The following CAMK4 variants were observed in gnomAD, a reference collection of about 807,000 sequenced individuals.
CAMK4 encodes calcium/calmodulin-dependent protein kinase type IV.
Under a neutral mutation model 44.9 loss-of-function variants are expected in CAMK4, and 22 were observed. That is an observed-to-expected ratio of 0.49 (90% CI 0.35 to 0.70). The LOEUF is 0.70. Ranked by LOEUF, CAMK4 falls within the 30% of genes least tolerant of loss-of-function variation. The pLI is 0.01. For synonymous variants in CAMK4, 218 were observed against 215.4 expected (o/e 1.01, Z -0.11); for missense variants, 498 against 586.8 (o/e 0.85, Z 1.56).
intron 2 of CAMK4, among the ~76,000 whole-genome samples, chr5:111,371,137 T>A (rs999176312): frequency 2.0e-5 from 3 of 152,102 alleles, no homozygotes; most frequent in African/African-American, 7.2e-5. Flanking sequence ...TTTGCTGCCA[T>A]TCTATTACCT....
chr5:111,315,732 C>T (rs1748393661), intron 1 of CAMK4, among the ~76,000 whole-genome samples: 1 of 152,078 alleles, frequency 6.6e-6, no homozygotes, highest in Non-Finnish European at 1.5e-5. Flanking sequence ...AAGCGATTTT[C>T]TGTTTGGCAA....
At chr5:111,279,901 A>C (rs1414430376) in intron 1 of CAMK4, among the ~76,000 whole-genome samples, 1 of 152,134 alleles carries the variant, frequency 6.6e-6, no homozygotes, top group Non-Finnish European at 1.5e-5. Flanking sequence ...GGAATGGCTA[A>C]ATTTAGTGGG....
At chr5:111,384,265 A>T (rs1417229106) in intron 4 of CAMK4, among the ~76,000 whole-genome samples, 1 of 152,116 alleles carries the variant, frequency 6.6e-6, no homozygotes, top group African/African-American at 2.4e-5. Context: ...AGCATTATAT[A>T]TTACTGGCTT....
rs1043279062 is a variant in CAMK4, at chr5:111,279,933, G to C, written c.161+55289G>C. On this transcript the variant is annotated intron_variant, in intron 1 of 10. Transcript: ENST00000282356. ...TGGGTGGTAGGATCATTCCTGATGA[G>C]CTTTCATTGGGCGAATTGAGGGACA... 2.0e-5 allele frequency among the ~76,000 whole-genome samples: 3 copies of C among 152,302 alleles called. No homozygotes were observed. The East Asian group carries it at 5.8e-4, about 29-fold the overall frequency.
chr5:111,261,713 C>G (rs1749985321), intron 1 of CAMK4, among the ~76,000 whole-genome samples: 1 of 152,032 alleles, frequency 6.6e-6, no homozygotes, highest in Non-Finnish European at 1.5e-5. Context: ...TCTCTAATGA[C>G]TTATGCATTG....
chr5:111,405,489 A>G (rs923883760), intron 5 of CAMK4, among the ~76,000 whole-genome samples: 1 of 152,162 alleles, frequency 6.6e-6, no homozygotes, highest in African/African-American at 2.4e-5. Context: ...AACAAAAAAA[A>G]AGACGAAGTT....
intron 2 of CAMK4, among the ~76,000 whole-genome samples, chr5:111,358,523 G>A (rs539684315): frequency 4.6e-5 from 7 of 150,888 alleles, no homozygotes; most frequent in Admixed American, 3.3e-4. Context: ...GTTTTTCCCC[G>A]ACACAACCTA....
chr5:111,312,137 G>A (rs1037524370), intron 1 of CAMK4, among the ~76,000 whole-genome samples: 2 of 152,066 alleles, frequency 1.3e-5, no homozygotes, highest in Non-Finnish European at 2.9e-5. Flanking sequence ...TCATTGTGAG[G>A]TGATGCACCC....
intron 3 of CAMK4, 64 bp downstream of exon 3, chr5:111,374,976 T>C (rs1751159787): frequency 4.6e-6 from 5 of 1,078,080 alleles, no homozygotes; most frequent in Non-Finnish European, 7.0e-6. Context: ...ACCTTTGTCC[T>C]TCACTGTCAG....
chr5:111,384,224 G>C (rs1045181176), intron 4 of CAMK4, among the ~76,000 whole-genome samples: 5 of 152,110 alleles, frequency 3.3e-5, no homozygotes, highest in Non-Finnish European at 5.9e-5. Context: ...AATGCTGAAG[G>C]CTATGCATAT....
chr5:111,434,526 G>C (rs1753579464), intron 5 of CAMK4, among the ~76,000 whole-genome samples: 1 of 152,186 alleles, frequency 6.6e-6, no homozygotes, highest in Non-Finnish European at 1.5e-5. Flanking sequence ...TTCTGGTCCT[G>C]GGATGCTCCA....
At chr5:111,334,949 A>T (rs187127554) in intron 1 of CAMK4, among the ~76,000 whole-genome samples, 101 of 147,418 alleles carry the variant, frequency 6.9e-4, no homozygotes, top group African/African-American at 2.2e-3. Flanking sequence ...CCTCCCATTT[A>T]AAAAAAAAAG....
intron 1 of CAMK4, among the ~76,000 whole-genome samples, chr5:111,280,482 T>C (rs1561382783): frequency 6.6e-6 from 1 of 152,230 alleles, no homozygotes; most frequent in Non-Finnish European, 1.5e-5. Flanking sequence ...TTAATATCTA[T>C]GTTGCTGCTT....
intron 7 of CAMK4, 75 bp from the exon 8 acceptor site, chr5:111,473,236 C>A (rs1165759599): frequency 4.1e-6 from 4 of 966,228 alleles, no homozygotes; most frequent in African/African-American, 1.6e-5. Context: ...GAATTTATTT[C>A]TTTCCCATTG....
intron 2 of CAMK4, among the ~76,000 whole-genome samples, chr5:111,352,955 C>T (rs1399260526): frequency 6.6e-6 from 1 of 152,008 alleles, no homozygotes; most frequent in Non-Finnish European, 1.5e-5. Context: ...AGGATTCCCT[C>T]ACATTCTATG....
chr5:111,409,303 A>G (rs1003568061), intron 5 of CAMK4, among the ~76,000 whole-genome samples: 7 of 152,212 alleles, frequency 4.6e-5, no homozygotes, highest in African/African-American at 1.7e-4. Context: ...GCTCAACACC[A>G]TGTGGAAGCC....
chr5:111,282,614 G>C (rs1428151053), intron 1 of CAMK4, among the ~76,000 whole-genome samples: 1 of 152,076 alleles, frequency 6.6e-6, no homozygotes, highest in Non-Finnish European at 1.5e-5. Flanking sequence ...TGACTTGCTA[G>C]TATATGTAGC....
rs1295573403 is a variant in CAMK4, at chr5:111,482,133, C to T, written c.829-652C>T. On this transcript the variant is annotated intron_variant, in intron 9 of 10. Transcript: ENST00000282356. This position sits in a 1 kb window ranked among gnomAD's most constrained non-coding sequence, Gnocchi z 4.9. The stretch of plus-strand genomic sequence containing the variant: ...TGGGAATTTATTGACTGCCCATCCT[C>T]ACAAGCAGGGGTAAACCTCCAAGAA... 1 of 152,194 alleles carries T rather than the reference C, an allele frequency of 6.6e-6. No homozygotes were observed. The highest frequency in any genetic ancestry group is 1.5e-5 in the Non-Finnish European group (1 of 68,052). The allele number at this position is 152,194 out of a possible 1,614,324, so 9.4% of individuals were successfully genotyped here. A position where few individuals can be genotyped will look rare whatever the true frequency, so the allele number is the denominator to read the frequency against.
At chr5:111,334,091 T>C (rs533326346) in intron 1 of CAMK4, among the ~76,000 whole-genome samples, 2 of 151,628 alleles carry the variant, frequency 1.3e-5, no homozygotes, top group South Asian at 2.1e-4. Flanking sequence ...AACCTTGGGC[T>C]TGGACTTTTC....
Sources: gnomAD v4.1 joint callset for allele counts (sites outside exome capture counted in the v4.1 genomes callset) on GRCh38, gnomAD v4.1.1 for gene constraint, Gnocchi (gnomAD v3.1) non-coding constraint, MANE v1.5 for transcripts, NCBI Gene and HGNC (gene_info 2026-07-23, HGNC 2026-07-21) for gene names.